Variants in EPHA4 observed in about 807,000 individuals in gnomAD.
The protein encoded by EPHA4 is EPH receptor A4, also known as ephrin type-A receptor 4.
In EPHA4, 19 loss-of-function variants were observed where a neutral mutation model predicts 108.3. That is an observed-to-expected ratio of 0.18 (90% CI 0.12 to 0.26). The LOEUF is 0.26. Ranked by LOEUF, EPHA4 falls within the 10% of genes least tolerant of loss-of-function variation. The pLI, the probability that EPHA4 is intolerant of heterozygous loss-of-function variation, is 1.00. For synonymous variants in EPHA4, 449 were observed against 455.5 expected, an observed-to-expected ratio of 0.99 and a Z score of 0.18; for missense variants, 917 against 1,254.0, an observed-to-expected ratio of 0.73 and a Z score of 4.06.
chr2:221,560,970 C>T (rs1003031190), intron 3 of EPHA4, among the ~76,000 whole-genome samples: 22 of 152,110 alleles, frequency 1.4e-4, no homozygotes, highest in Middle Eastern at 3.2e-3. Flanking sequence ...TGGCTGGGCG[C>T]GGTGGCTCAC....
Position 221,501,180 on chromosome 2 carries a change from G to A in EPHA4, c.824-8C>T, listed in dbSNP as rs769261918. The A allele has an allele frequency of 1.3e-6, 2 of 1,561,920 alleles. No individual in the cohort carries two copies. The highest frequency in any genetic ancestry group is 1.7e-6 in the Non-Finnish European group (2 of 1,157,376). The stretch of plus-strand genomic sequence containing the variant: ...AATATCCAATTTTGCAAGCTGCAGG[G>A]AAGAAGAAAAAAACAAACAAATAGA... On this transcript the variant is annotated splice_region_variant and splice_polypyrimidine_tract_variant and intron_variant, in intron 3 of 17. Transcript: ENST00000281821.
chr2:221,513,670 A>G (rs1195786731), intron 3 of EPHA4, among the ~76,000 whole-genome samples: 1 of 152,120 alleles, frequency 6.6e-6, no homozygotes, highest in East Asian at 1.9e-4. Flanking sequence ...TATATTAAAA[A>G]TTTTCTGAAA....
Position 221,560,415 on chromosome 2 carries a change from C to T in EPHA4, c.823+3316G>A, listed in dbSNP as rs1438129161. Among the ~76,000 whole-genome samples, 7 of 151,500 alleles carry T rather than the reference C, an allele frequency of 4.6e-5. No homozygotes were observed. The East Asian group carries it at 1.4e-3, about 29-fold the overall frequency. The stretch of plus-strand genomic sequence containing the variant: ...TTCAAAGGAAGTTTCTCTTTCCTAT[C>T]GAGGAGGAAAAAAAAATGACATACT... On this transcript the variant is annotated intron_variant, in intron 3 of 17. Coordinates refer to ENST00000281821, the MANE Select transcript of EPHA4 (RefSeq NM_004438.5).
intron 3 of EPHA4, among the ~76,000 whole-genome samples, chr2:221,551,997 G>T (rs1694177732): frequency 1.3e-5 from 2 of 152,000 alleles, no homozygotes; most frequent in South Asian, 4.2e-4. Context: ...TTCTTTGCTG[G>T]CACCTCCTTA....
At chr2:221,544,028 G>A (rs1005279518) in intron 3 of EPHA4, among the ~76,000 whole-genome samples, 1 of 152,048 alleles carries the variant, frequency 6.6e-6, no homozygotes, top group Admixed American at 6.6e-5. Context: ...ATCCTGACAT[G>A]GTAAAGGGGA....
At chr2:221,463,208 A>T (rs890020985) in intron 5 of EPHA4, among the ~76,000 whole-genome samples, 3 of 152,196 alleles carry the variant, frequency 2.0e-5, no homozygotes, top group Non-Finnish European at 2.9e-5. Context: ...ACACAAGTGA[A>T]ATTGTAGCAA....
chr2:221,432,246 G>C (rs1255640355), intron 14 of EPHA4, among the ~76,000 whole-genome samples: 4 of 151,776 alleles, frequency 2.6e-5, no homozygotes, highest in African/African-American at 9.7e-5. Flanking sequence ...CTGCTCTTAC[G>C]AACATTTGGC....
chr2:221,475,467 C>T (rs1691626049), intron 5 of EPHA4, among the ~76,000 whole-genome samples: 3 of 152,140 alleles, frequency 2.0e-5, no homozygotes, highest in African/African-American at 4.8e-5. Context: ...CATCCTTTGC[C>T]AAAACAATAT....
chr2:221,427,517 C>T (rs951984501), intron 15 of EPHA4, among the ~76,000 whole-genome samples: 3 of 152,142 alleles, frequency 2.0e-5, no homozygotes, highest in Admixed American at 1.3e-4. Flanking sequence ...TGCTGAATAA[C>T]CATAGAGCAG....
intron 4 of EPHA4, among the ~76,000 whole-genome samples, chr2:221,489,004 T>C (rs1417236458): frequency 1.3e-5 from 2 of 152,198 alleles, no homozygotes; most frequent in East Asian, 3.9e-4. Flanking sequence ...AGCCAGTATT[T>C]ACATATCCAC....
At chr2:221,555,181 A>T (rs372957422) in intron 3 of EPHA4, among the ~76,000 whole-genome samples, 6 of 152,320 alleles carry the variant, frequency 3.9e-5, no homozygotes, top group East Asian at 1.9e-4. Context: ...GCAGAGGTGC[A>T]TAAAAAGAGC....
At chr2:221,446,953 CTT>C (rs924231976) in intron 8 of EPHA4, among the ~76,000 whole-genome samples, 1 of 152,132 alleles carries the variant, frequency 6.6e-6, no homozygotes, top group Non-Finnish European at 1.5e-5. Context: ...CTAAATTTGG[CTT>C]TGTTATAAAG....
At position 221,571,148 on chromosome 2, in the gene EPHA4, A is replaced by G. The variant is rs979793235; in HGVS notation, c.91+1010T>C. Among the ~76,000 whole-genome samples the G allele has an allele frequency of 2.6e-5, 4 of 151,824 alleles. No individual in the cohort carries two copies. The highest frequency in any genetic ancestry group is 3.4e-3 in the Middle Eastern group (1 of 294). On this transcript the variant is annotated intron_variant, in intron 1 of 17. Coordinates refer to ENST00000281821, the MANE Select transcript of EPHA4 (RefSeq NM_004438.5). The surrounding 1 kb of genome is among the most constrained non-coding windows in gnomAD (Gnocchi z 6.3). ...CATACACGCAGTTGCACGCGCGCGC[A>G]CACACACAGGCACACACACGCAGAC...
At chr2:221,438,961 C>G (rs55862744) in intron 11 of EPHA4, among the ~76,000 whole-genome samples, 38,162 of 151,956 alleles carry the variant, frequency 0.25, 4,937 homozygotes, top group African/African-American at 0.31. Context: ...GCATATAGGG[C>G]ATGGGGAAAT....
intron 3 of EPHA4, among the ~76,000 whole-genome samples, chr2:221,523,162 T>C (rs1275984186): frequency 1.3e-5 from 2 of 152,120 alleles, no homozygotes; most frequent in Non-Finnish European, 2.9e-5. Context: ...TGGCGATCAG[T>C]TGGGTAATAA....
chr2:221,487,224 T>G (rs1692005366), intron 4 of EPHA4, among the ~76,000 whole-genome samples: 1 of 152,216 alleles, frequency 6.6e-6, no homozygotes, highest in Non-Finnish European at 1.5e-5. Context: ...GATAACTTCC[T>G]GATAGTTGCC....
intron 15 of EPHA4, among the ~76,000 whole-genome samples, chr2:221,428,905 T>C (rs926342436): frequency 5.3e-5 from 8 of 152,240 alleles, no homozygotes; most frequent in Admixed American, 4.6e-4. Flanking sequence ...TTCTCTTTTT[T>C]TTCATGTAAT....
intron 3 of EPHA4, among the ~76,000 whole-genome samples, chr2:221,561,294 C>A (rs1694455918): frequency 6.6e-6 from 1 of 152,006 alleles, no homozygotes; most frequent in Non-Finnish European, 1.5e-5. Flanking sequence ...AGCTTGGAAT[C>A]CTTTGTCATT....
chr2:221,559,526 A>G (rs530822470), intron 3 of EPHA4, among the ~76,000 whole-genome samples: 1 of 152,272 alleles, frequency 6.6e-6, no homozygotes, highest in East Asian at 1.9e-4. Context: ...TAGGCAACAG[A>G]GTGAGACTTC....
Sources: allele counts gnomAD v4.1 joint callset (sites outside exome capture counted in the v4.1 genomes callset), GRCh38; gene constraint gnomAD v4.1.1; non-coding constraint Gnocchi (gnomAD v3.1); transcripts MANE v1.5; gene names NCBI Gene and HGNC (gene_info 2026-07-23, HGNC 2026-07-21).